The following KCND3 variants were observed in gnomAD, a reference collection of about 807,000 sequenced individuals.
The protein encoded by KCND3 is potassium voltage-gated channel subfamily D member 3.
KCND3 carries 9 observed loss-of-function variants against 51.1 expected under a neutral mutation model. That is an observed-to-expected ratio of 0.18 (90% CI 0.11 to 0.31). The LOEUF is 0.31. Ranked by LOEUF, KCND3 falls within the 10% of genes least tolerant of loss-of-function variation. The pLI is 1.00. For synonymous variants in KCND3, 349 were observed against 368.0 expected, an observed-to-expected ratio of 0.95 and a Z score of 0.59; for missense variants, 526 against 903.8, an observed-to-expected ratio of 0.58 and a Z score of 5.36.
At chr1:111,861,324 T>C (rs1253270600) in intron 2 of KCND3, among the ~76,000 whole-genome samples, 1 of 152,150 alleles carries the variant, frequency 6.6e-6, no homozygotes, top group Non-Finnish European at 1.5e-5. Flanking sequence ...CCAACCAAGA[T>C]GTGCTCTAAC....
intron 2 of KCND3, among the ~76,000 whole-genome samples, chr1:111,834,875 A>G (rs759378589): frequency 2.6e-5 from 4 of 152,216 alleles, no homozygotes; most frequent in Non-Finnish European, 5.9e-5. Context: ...CAGGATGCCC[A>G]GCTGTGGACA....
intron 2 of KCND3, among the ~76,000 whole-genome samples, chr1:111,854,358 G>C (rs550919328): frequency 6.6e-6 from 1 of 152,214 alleles, no homozygotes; most frequent in Non-Finnish European, 1.5e-5. Flanking sequence ...ACCCAAGCTG[G>C]AGGATGTATT....
chr1:111,897,191 C>T (rs1028917023), intron 2 of KCND3, among the ~76,000 whole-genome samples: 26 of 152,200 alleles, frequency 1.7e-4, no homozygotes, highest in African/African-American at 5.1e-4. Context: ...TCCTCATCCA[C>T]GTTTAGTGTT....
chr1:111,868,744 T>C (rs1331268466), intron 2 of KCND3, among the ~76,000 whole-genome samples: 1 of 152,120 alleles, frequency 6.6e-6, no homozygotes, highest in Non-Finnish European at 1.5e-5. Flanking sequence ...TTTAACTGTT[T>C]CTTTTTTTTG....
intron 2 of KCND3, among the ~76,000 whole-genome samples, chr1:111,979,914 C>T (rs1221281993): frequency 6.6e-6 from 1 of 152,140 alleles, no homozygotes; most frequent in Non-Finnish European, 1.5e-5. Context: ...TGAGTCCCAT[C>T]AAGGGGCATC....
At chr1:111,927,857 A>C (rs1425277531) in intron 2 of KCND3, among the ~76,000 whole-genome samples, 4 of 152,140 alleles carry the variant, frequency 2.6e-5, no homozygotes, top group Non-Finnish European at 5.9e-5. Flanking sequence ...CCCTCTCCAC[A>C]GCACTCCTCA....
Position 111,775,979 on chromosome 1 carries a change from G to C in KCND3, c.*98C>G. 2 of 1,325,946 alleles carry C rather than the reference G, an allele frequency of 1.5e-6. No homozygotes were observed. The highest frequency in any genetic ancestry group is 2.2e-6 in the Non-Finnish European group (2 of 922,706). 82.1% of individuals were successfully genotyped at this position (1,325,946 alleles called of 1,614,324 possible). Reference sequence around the variant, plus strand: ...GGGTACAATGGGGCAGGCAGAAATAGTGGGGAAAGGGGGGAGGGAGTGGTC... The same window carrying C: ...GGGTACAATGGGGCAGGCAGAAATACTGGGGAAAGGGGGGAGGGAGTGGTC... On this transcript the variant is annotated 3_prime_UTR_variant, in exon 8 of 8. Coordinates refer to ENST00000302127, the MANE Select transcript of KCND3 (RefSeq NM_001378969.1).
intron 2 of KCND3, among the ~76,000 whole-genome samples, chr1:111,975,427 C>T (rs1373603664): frequency 1.3e-5 from 2 of 152,176 alleles, no homozygotes; most frequent in Non-Finnish European, 2.9e-5. Context: ...GCAGGACCAA[C>T]AAGCACTTCC....
At chr1:111,868,754 G>C (rs1668699737) in intron 2 of KCND3, among the ~76,000 whole-genome samples, 1 of 151,218 alleles carries the variant, frequency 6.6e-6, no homozygotes, top group Admixed American at 6.6e-5. Flanking sequence ...TCTTTTTTTT[G>C]AGACAGGGCC....
At chr1:111,889,202 C>T (rs571407772) in intron 2 of KCND3, among the ~76,000 whole-genome samples, 1 of 152,224 alleles carries the variant, frequency 6.6e-6, no homozygotes, top group Non-Finnish European at 1.5e-5. Context: ...CATAAGTGAA[C>T]AGAGGCCTGC....
intron 2 of KCND3, among the ~76,000 whole-genome samples, chr1:111,829,352 G>T (rs918480884): frequency 2.0e-5 from 3 of 152,178 alleles, no homozygotes; most frequent in Non-Finnish European, 2.9e-5. Flanking sequence ...TGGGCTGGAA[G>T]AGTGAAGCAG....
chr1:111,846,337 A>T (rs568811355), intron 2 of KCND3, among the ~76,000 whole-genome samples: 4 of 152,144 alleles, frequency 2.6e-5, no homozygotes, highest in African/African-American at 9.6e-5. Flanking sequence ...AAGCCCATTT[A>T]TCCTCTTTCG....
At chr1:111,909,464 T>G (rs186478278) in intron 2 of KCND3, 3 of 152,326 alleles carry the variant, frequency 2.0e-5, no homozygotes, top group Admixed American at 6.5e-5. Context: ...TGACAGGTTA[T>G]TGATCAGCAT....
At chr1:111,824,766 G>A (rs758912332) in intron 2 of KCND3, among the ~76,000 whole-genome samples, 8 of 152,240 alleles carry the variant, frequency 5.3e-5, no homozygotes, top group Admixed American at 1.3e-4. Flanking sequence ...CATCCATGGC[G>A]ATTCCTGTTT....
chr1:111,832,337 G>A (rs1247046070), intron 2 of KCND3, among the ~76,000 whole-genome samples: 2 of 152,126 alleles, frequency 1.3e-5, no homozygotes, highest in African/African-American at 4.8e-5. Flanking sequence ...GTGACAATGT[G>A]GACCAGATCT....
At chr1:111,822,208 T>A (rs1447744483) in intron 2 of KCND3, among the ~76,000 whole-genome samples, 1 of 152,176 alleles carries the variant, frequency 6.6e-6, no homozygotes, top group Non-Finnish European at 1.5e-5. Context: ...GTGTAAGCAA[T>A]TTTTTAACTG....
intron 2 of KCND3, among the ~76,000 whole-genome samples, chr1:111,923,070 A>G (rs1392121524): frequency 6.6e-6 from 1 of 152,164 alleles, no homozygotes; most frequent in Non-Finnish European, 1.5e-5. Flanking sequence ...CCATGTGCAA[A>G]TTGCCTGACC....
intron 2 of KCND3, among the ~76,000 whole-genome samples, chr1:111,817,492 C>T (rs1351802753): frequency 6.6e-6 from 1 of 152,116 alleles, no homozygotes; most frequent in African/African-American, 2.4e-5. Context: ...GACACCGACC[C>T]AAATGACTTA....
chr1:111,872,080 T>C (rs553952914), intron 2 of KCND3, among the ~76,000 whole-genome samples: 116 of 152,348 alleles, frequency 7.6e-4, no homozygotes, highest in African/African-American at 2.6e-3. Context: ...TAAAACCTTA[T>C]ATGTGATGCT....
Sources: allele counts gnomAD v4.1 joint callset (sites outside exome capture counted in the v4.1 genomes callset), GRCh38; gene constraint gnomAD v4.1.1; transcripts MANE v1.5; gene names NCBI Gene and HGNC (gene_info 2026-07-23, HGNC 2026-07-21).